DYSF: variants seen among roughly 807,000 people sequenced by gnomAD.
DYSF encodes the protein dysferlin.
In DYSF, 212 loss-of-function variants were observed where a neutral mutation model predicts 274.9. The ratio of observed to expected loss-of-function variants is 0.77; its 90% CI spans 0.69 to 0.86. DYSF has a LOEUF of 0.86. Ranked by LOEUF, DYSF falls within the 40% of genes least tolerant of loss-of-function variation. DYSF has a pLI of 0.00. For synonymous variants in DYSF, 1,091 were observed against 1,078.7 expected (o/e 1.01, Z -0.22); for missense variants, 2,666 against 2,783.2 (o/e 0.96, Z 0.95).
Position 71,561,960 on chromosome 2 carries a change from G to T in DYSF, c.2409+16G>T, listed in dbSNP as rs780281276. On this transcript the variant is annotated intron_variant, in intron 23 of 55. Transcript: ENST00000410020. ...GGCAGAGGAGGTAATTAAGCCTGGG[G>T]GTGCCTTTCTTCTTCTGCTCTCCTG... 1.9e-6 allele frequency: 3 copies of T among 1,611,464 alleles called. No individual in the cohort carries two copies. The highest frequency in any genetic ancestry group is 1.1e-5 in the South Asian group (1 of 90,664).
intron 1 of DYSF, among the ~76,000 whole-genome samples, chr2:71,458,724 G>C (rs1219100201): frequency 3.3e-5 from 5 of 152,200 alleles, no homozygotes; most frequent in African/African-American, 9.6e-5. Flanking sequence ...TTAGCAGAGA[G>C]AGCGTTCACA....
intron 22 of DYSF, among the ~76,000 whole-genome samples, chr2:71,557,918 G>C (rs747543299): frequency 1.3e-5 from 2 of 151,988 alleles, no homozygotes; most frequent in Non-Finnish European, 2.9e-5. Context: ...TGTAATCCCA[G>C]CTACTTGGGA....
At chr2:71,494,397 A>G (rs2084175754) in intron 3 of DYSF, among the ~76,000 whole-genome samples, 1 of 152,170 alleles carries the variant, frequency 6.6e-6, no homozygotes, top group Admixed American at 6.5e-5. Flanking sequence ...TCCATTGCAT[A>G]TTTAAAGTTC....
intron 3 of DYSF, among the ~76,000 whole-genome samples, chr2:71,485,175 A>T (rs2152687908): frequency 6.6e-6 from 1 of 152,392 alleles, no homozygotes; most frequent in African/African-American, 2.4e-5. Flanking sequence ...TAATTAAACT[A>T]GATTGAAATG....
chr2:71,632,181 C>T (rs1473631058), intron 41 of DYSF, among the ~76,000 whole-genome samples: 1 of 152,158 alleles, frequency 6.6e-6, no homozygotes, highest in Non-Finnish European at 1.5e-5. Context: ...TAGCCTGGGT[C>T]AAAATAGTGC....
intron 10 of DYSF, among the ~76,000 whole-genome samples, chr2:71,518,561 G>A (rs2086899977): frequency 6.6e-6 from 1 of 151,546 alleles, no homozygotes; most frequent in Non-Finnish European, 1.5e-5. Flanking sequence ...CACCGTGCCT[G>A]GCCTGCATGG....
At chr2:71,613,673 G>A (rs1276854428) in intron 40 of DYSF, among the ~76,000 whole-genome samples, 1 of 152,130 alleles carries the variant, frequency 6.6e-6, no homozygotes, top group Non-Finnish European at 1.5e-5. Flanking sequence ...TACCCTGGGG[G>A]CCATGGTGAG....
chr2:71,602,682 G>A (rs377147828), intron 35 of DYSF, 94 bp from the exon 36 acceptor site: 15 of 1,390,088 alleles, frequency 1.1e-5, no homozygotes, highest in East Asian at 7.2e-5. Context: ...CTCTGGCCCC[G>A]CCTAGTGCGC....
intron 4 of DYSF, among the ~76,000 whole-genome samples, chr2:71,506,475 C>G (rs752224698): frequency 8.7e-5 from 13 of 149,288 alleles, no homozygotes; most frequent in South Asian, 2.1e-4. Flanking sequence ...CGTGGAGAAC[C>G]CTGGAGTGCT....
intron 41 of DYSF, among the ~76,000 whole-genome samples, chr2:71,636,272 G>A (rs533566850): frequency 6.6e-6 from 1 of 152,218 alleles, no homozygotes; most frequent in African/African-American, 2.4e-5. Context: ...GTACATGGCT[G>A]TTGGGTTGAG....
chr2:71,454,147 G>A (rs989625515), intron 1 of DYSF: 9 of 1,513,920 alleles, frequency 5.9e-6, no homozygotes, highest in South Asian at 2.3e-5. Context: ...GGACGCCGCG[G>A]CTCTCAACCC....
chr2:71,485,550 C>T (rs994083668), intron 3 of DYSF, among the ~76,000 whole-genome samples: 3 of 152,166 alleles, frequency 2.0e-5, no homozygotes, highest in African/African-American at 7.2e-5. Flanking sequence ...GTGTGGCCTC[C>T]TCAGCTGTTT....
intron 42 of DYSF, among the ~76,000 whole-genome samples, chr2:71,655,531 A>G (rs1417916755): frequency 1.3e-5 from 2 of 152,256 alleles, no homozygotes; most frequent in African/African-American, 4.8e-5. Flanking sequence ...AAGCAATTCT[A>G]AAGCACTGCT....
intron 14 of DYSF, among the ~76,000 whole-genome samples, chr2:71,529,202 T>G (rs1428065798): frequency 6.6e-6 from 1 of 152,146 alleles, no homozygotes; most frequent in African/African-American, 2.4e-5. Flanking sequence ...CCTGCCTTGA[T>G]TCTTCCTTCT....
At chr2:71,686,215 G>A (rs185802734) in intron 55 of DYSF, among the ~76,000 whole-genome samples, 3 of 152,328 alleles carry the variant, frequency 2.0e-5, no homozygotes, top group Non-Finnish European at 2.9e-5. Context: ...GAGGGTATGG[G>A]TTTGCCTGAT....
intron 40 of DYSF, among the ~76,000 whole-genome samples, chr2:71,618,388 GGTGTGT>G (rs1168130881): frequency 1.9e-4 from 1 of 5,132 alleles, no homozygotes. Context: ...TGGTAGAGGT[GGTGTGT>G]GTGTGTGTGG....
chr2:71,484,075 C>T lies in DYSF; in HGVS notation c.239+2105C>T, dbSNP rs76108724. ...TTTTTTTTTTTTTTTTTTTTTGAGA[C>T]GAAGTCTTGCTCTGTGGCCCAGGCT... On this transcript the variant is annotated intron_variant, in intron 3 of 55. Coordinates refer to ENST00000410020, the MANE Select transcript of DYSF (RefSeq NM_001130987.2). Among the ~76,000 whole-genome samples, 7 of 90,502 alleles carry T rather than the reference C, an allele frequency of 7.7e-5. No individual in the cohort carries two copies. The East Asian group carries it at 1.4e-3, about 18-fold the overall frequency. 59.4% of individuals were successfully genotyped at this position (90,502 alleles called of 152,430 possible). A position where few individuals can be genotyped will look rare whatever the true frequency, so the allele number is the denominator to read the frequency against.
Position 71,623,422 on chromosome 2 carries a change from G to A in DYSF, c.4527+2813G>A, listed in dbSNP as rs188199306. 9.5e-3 allele frequency among the ~76,000 whole-genome samples: 1,422 copies of A among 149,426 alleles called. 10 individuals are homozygous for A. The highest frequency in any genetic ancestry group is 0.015 in the Non-Finnish European group (1,039 of 67,728). ...TTCCCACCTATGAGCGAGAATATGC[G>A]GTGTTTGGTTTTTTGTTCTTGCGAT... On this transcript the variant is annotated intron_variant, in intron 41 of 55. Transcript: ENST00000410020.
intron 36 of DYSF, among the ~76,000 whole-genome samples, chr2:71,606,899 G>A (rs1051905760): frequency 6.6e-6 from 1 of 152,148 alleles, no homozygotes; most frequent in Non-Finnish European, 1.5e-5. Context: ...AGGACAGTGC[G>A]TGTTGGATTC....
Sources: allele counts gnomAD v4.1 joint callset (sites outside exome capture counted in the v4.1 genomes callset), GRCh38; gene constraint gnomAD v4.1.1; transcripts MANE v1.5; gene names NCBI Gene and HGNC (gene_info 2026-07-23, HGNC 2026-07-21).